The following RILPL1 variants were observed in gnomAD, a reference collection of about 807,000 sequenced individuals.
RILPL1 encodes RILP-like protein 1.
RILPL1 carries 33 observed loss-of-function variants against 50.3 expected under a neutral mutation model. That is an observed-to-expected ratio of 0.66 (90% confidence interval 0.50 to 0.88). The LOEUF (loss-of-function observed/expected upper bound fraction) is 0.88. Ranked by LOEUF, RILPL1 falls within the 40% of genes least tolerant of loss-of-function variation. The pLI is 0.00. For synonymous variants in RILPL1, 205 were observed against 228.6 expected (o/e 0.90, Z 0.93); for missense variants, 418 against 542.5 (o/e 0.77, Z 2.28).
intron 1 of RILPL1, 21 bp from the exon 2 acceptor site, chr12:123,523,666 C>T (rs1885150837): frequency 6.2e-7 from 1 of 1,609,566 alleles, no homozygotes; most frequent in African/African-American, 1.3e-5. Context: ...AAGGGGACAG[C>T]ATGGGGTCAC....
intron 6 of RILPL1, among the ~76,000 whole-genome samples, chr12:123,476,782 C>T (rs181381545): frequency 6.6e-6 from 1 of 152,196 alleles, no homozygotes; most frequent in Non-Finnish European, 1.5e-5. Flanking sequence ...TATTGAAGCC[C>T]CTGAGTCTGC....
intron 6 of RILPL1, among the ~76,000 whole-genome samples, chr12:123,476,422 C>T (rs1881591759): frequency 6.8e-6 from 1 of 148,078 alleles, no homozygotes; most frequent in Admixed American, 6.8e-5. Context: ...GCCTGGGCAA[C>T]AAGAGCAAAA....
At chr12:123,532,214 T>C (rs1292063150) in intron 1 of RILPL1, among the ~76,000 whole-genome samples, 1 of 152,122 alleles carries the variant, frequency 6.6e-6, no homozygotes, top group Admixed American at 6.5e-5. Context: ...AGGAAAGGTG[T>C]TTCCTCCCAT....
At chr12:123,531,901 G>A (rs1299561688) in intron 1 of RILPL1, among the ~76,000 whole-genome samples, 3 of 152,094 alleles carry the variant, frequency 2.0e-5, no homozygotes, top group Admixed American at 6.6e-5. Context: ...GCATTTTCAG[G>A]CTCCCAGAGT....
At chr12:123,477,885 C>T (rs1404323360) in intron 6 of RILPL1, among the ~76,000 whole-genome samples, 2 of 151,382 alleles carry the variant, frequency 1.3e-5, no homozygotes, top group African/African-American at 4.9e-5. Flanking sequence ...ATGTTTGCCA[C>T]TGGGAATGCT....
intron 4 of RILPL1, among the ~76,000 whole-genome samples, chr12:123,493,920 G>A (rs958428596): frequency 6.6e-6 from 1 of 152,024 alleles, no homozygotes; most frequent in Non-Finnish European, 1.5e-5. Context: ...GAGTAGCTGG[G>A]ATTACAGGCA....
chr12:123,512,243 AGTGT>A lies in RILPL1; in HGVS notation c.460+11248_460+11251del, dbSNP rs763990247. On this transcript the variant is annotated intron_variant, in intron 2 of 6. Coordinates refer to ENST00000376874, the MANE Select transcript of RILPL1 (RefSeq NM_178314.5). ...TGTGTGGTGTGTGTGTGGTGTGTGC[AGTGT>A]GTGTGTATCTGCGGTGGCATCTGTG... Among the ~76,000 whole-genome samples the A allele has an allele frequency of 5.4e-4, 42 of 77,148 alleles. 1 individual carries two copies. The highest frequency in any genetic ancestry group is 2.9e-4 in the Admixed American group (2 of 6,834). 50.6% of individuals were successfully genotyped at this position (77,148 alleles called of 152,430 possible).
chr12:123,501,048 C>T (rs1269920019), intron 2 of RILPL1, among the ~76,000 whole-genome samples: 1 of 151,984 alleles, frequency 6.6e-6, no homozygotes, highest in Non-Finnish European at 1.5e-5. Flanking sequence ...GTGGAGGTTG[C>T]AGTGAGCCGA....
chr12:123,489,274 T>C lies in RILPL1; in HGVS notation c.802-3469A>G, dbSNP rs1281949112. Among the ~76,000 whole-genome samples the C allele has an allele frequency of 6.6e-6, 1 of 151,912 alleles. No homozygotes were observed. Among genetic ancestry groups the C allele is most frequent in the Non-Finnish European group, 1.5e-5 (1 of 67,958 alleles). ...TGGTGGCTCACACCTGTAATCCCAG[T>C]ACTTTGGGAGGCTGAGGCAGGCGGA... On this transcript the variant is annotated intron_variant, in intron 4 of 6. Coordinates refer to ENST00000376874, the MANE Select transcript of RILPL1 (RefSeq NM_178314.5). This position sits in a 1 kb window ranked among gnomAD's most constrained non-coding sequence, Gnocchi z 4.0.
chr12:123,508,130 A>G (rs890378552), intron 2 of RILPL1, among the ~76,000 whole-genome samples: 5 of 152,134 alleles, frequency 3.3e-5, no homozygotes, highest in Non-Finnish European at 5.9e-5. Flanking sequence ...ATGGTGGCGC[A>G]TGCCTGTAAT....
rs539406673 is a variant in RILPL1 at position 123,505,097 on chromosome 12, G to A, written c.461-5561C>T. ...ACTTTATTGCCCAGGCTGGAGTGCA[G>A]TGGCACGATCTTGGCTTACTGCAAC... On this transcript the variant is annotated intron_variant, in intron 2 of 6. Transcript: ENST00000376874. Among the ~76,000 whole-genome samples, 51 of 152,220 alleles carry A rather than the reference G, an allele frequency of 3.4e-4. 1 individual carries two copies. Among genetic ancestry groups the A allele is most frequent in the Admixed American group, 2.7e-3 (41 of 15,280 alleles).
intron 1 of RILPL1, among the ~76,000 whole-genome samples, chr12:123,526,143 T>C (rs1885248764): frequency 6.6e-6 from 1 of 151,666 alleles, no homozygotes; most frequent in African/African-American, 2.4e-5. Flanking sequence ...CCGTCTCTAC[T>C]GAAAATACAA....
chr12:123,473,222 CAT>C (rs764778847), intron 6 of RILPL1: 84 of 159,926 alleles, frequency 5.3e-4, no homozygotes, highest in Non-Finnish European at 9.7e-4. Flanking sequence ...AACAATAAAA[CAT>C]ATACTATGGG....
chr12:123,513,015 T>A (rs538051071), intron 2 of RILPL1, among the ~76,000 whole-genome samples: 196 of 136,396 alleles, frequency 1.4e-3, no homozygotes, highest in Non-Finnish European at 2.3e-3. Context: ...TGGTGTGAGA[T>A]CTGTGTGTAT....
At position 123,491,134 on chromosome 12, in the gene RILPL1, G is replaced by A. The variant is rs919610731; in HGVS notation, c.802-5329C>T. On this transcript the variant is annotated intron_variant, in intron 4 of 6. Coordinates refer to ENST00000376874, the MANE Select transcript of RILPL1 (RefSeq NM_178314.5). The surrounding 1 kb of genome is among the most constrained non-coding windows in gnomAD (Gnocchi z 4.0). ...CTCGAGAGGCCACCAGGCAGTGACCGCAGGGCCACGGGCAGCCCAGGACTA... is the reference window on the plus strand; with the variant it reads ...CTCGAGAGGCCACCAGGCAGTGACCACAGGGCCACGGGCAGCCCAGGACTA... Among the ~76,000 whole-genome samples, 3 of 152,194 alleles carry A rather than the reference G, an allele frequency of 2.0e-5. No homozygotes were observed. Among genetic ancestry groups the A allele is most frequent in the African/African-American group, 7.2e-5 (3 of 41,454 alleles).
intron 2 of RILPL1, among the ~76,000 whole-genome samples, chr12:123,517,216 A>T (rs1342080929): frequency 6.6e-6 from 1 of 152,164 alleles, no homozygotes; most frequent in African/African-American, 2.4e-5. Context: ...CAGCCCCCAG[A>T]GGCAAGGAAG....
chr12:123,503,383 T>C (rs1045563528), intron 2 of RILPL1, among the ~76,000 whole-genome samples: 2 of 151,366 alleles, frequency 1.3e-5, no homozygotes, highest in Non-Finnish European at 2.9e-5. Flanking sequence ...GTATTTTTAG[T>C]ACAGATGGGG....
At chr12:123,478,180 T>G (rs1168938354) in intron 6 of RILPL1, among the ~76,000 whole-genome samples, 1 of 151,566 alleles carries the variant, frequency 6.6e-6, no homozygotes, top group Non-Finnish European at 1.5e-5. Flanking sequence ...AAAATTTTTT[T>G]CCTCGAGATA....
rs2139317956 is a variant in RILPL1, at chr12:123,485,036, C to G, written c.974+597G>C. 2 of 421,302 alleles carry G rather than the reference C, an allele frequency of 4.7e-6. No homozygotes were observed. The highest frequency in any genetic ancestry group is 3.2e-5 in the South Asian group (2 of 61,772). 26.1% of individuals were successfully genotyped at this position (421,302 alleles called of 1,614,324 possible). On this transcript the variant is annotated intron_variant, in intron 5 of 6. Coordinates refer to ENST00000376874, the MANE Select transcript of RILPL1 (RefSeq NM_178314.5). This position sits in a 1 kb window ranked among gnomAD's most constrained non-coding sequence, Gnocchi z 4.0. Reference sequence around the variant, plus strand: ...GTGTGGTATTATATTTTTTATGCATCTCTTATCTTCCCCACTGGAGCAGGG... The same window carrying G: ...GTGTGGTATTATATTTTTTATGCATGTCTTATCTTCCCCACTGGAGCAGGG...
Sources: gnomAD v4.1 joint callset for allele counts (sites outside exome capture counted in the v4.1 genomes callset) on GRCh38, gnomAD v4.1.1 for gene constraint, Gnocchi (gnomAD v3.1) non-coding constraint, MANE v1.5 for transcripts, NCBI Gene and HGNC (gene_info 2026-07-23, HGNC 2026-07-21) for gene names.